ZDHHC14: variants seen among roughly 807,000 people sequenced by gnomAD.
ZDHHC14 encodes zDHHC palmitoyltransferase 14, also known as palmitoyltransferase ZDHHC14.
A neutral mutation model predicts 47.7 loss-of-function variants in ZDHHC14; 16 were observed. The observed-to-expected ratio is 0.34, with a 90% CI of 0.23 to 0.51. The LOEUF (loss-of-function observed/expected upper bound fraction) is 0.51, where lower values mean the gene tolerates loss of function less well. Among genes scored for constraint, ZDHHC14 ranks in the 20% least tolerant of loss-of-function variants. The pLI, the probability that ZDHHC14 is intolerant of heterozygous loss-of-function variation, is 0.97. For missense variants in ZDHHC14, 515 were observed against 662.5 expected (o/e 0.78, Z 2.44); for synonymous variants, 293 against 278.9 (o/e 1.05, Z -0.50).
At chr6:157,533,267 T>C (rs551991673) in intron 1 of ZDHHC14, among the ~76,000 whole-genome samples, 1 of 152,280 alleles carries the variant, frequency 6.6e-6, no homozygotes, top group South Asian at 2.1e-4. Flanking sequence ...TGAGCTTTTT[T>C]CTAGTGGGGT....
At chr6:157,562,847 T>C (rs9457805) in intron 2 of ZDHHC14, among the ~76,000 whole-genome samples, 10,076 of 152,182 alleles carry the variant, frequency 0.066, 424 homozygotes, top group African/African-American at 0.11. Flanking sequence ...GCTAGGAAGC[T>C]GCTCAGGACA....
rs575647738 is a variant in ZDHHC14, at chr6:157,424,957, C to T, written c.245+42691C>T. ...CTCTCACTCTTCAGTCCATAGCCAG[C>T]CACACTGCAGCCAGAGGGAGCTTTT... On this transcript the variant is annotated intron_variant, in intron 1 of 8. Transcript: ENST00000359775. Among the ~76,000 whole-genome samples, 4 of 152,246 alleles carry T rather than the reference C, an allele frequency of 2.6e-5. No homozygotes were observed. In the East Asian group the frequency reaches 5.8e-4, roughly 22 times the overall value.
intron 1 of ZDHHC14, among the ~76,000 whole-genome samples, chr6:157,523,001 C>CT (rs1781013728): frequency 1.0e-5 from 1 of 99,118 alleles, no homozygotes; most frequent in South Asian, 3.4e-4. Context: ...CTTTTCTTTT[C>CT]TTTTCTTTTT....
intron 1 of ZDHHC14, among the ~76,000 whole-genome samples, chr6:157,530,583 C>T (rs1011401302): frequency 2.6e-5 from 4 of 152,162 alleles, no homozygotes; most frequent in South Asian, 2.1e-4. Context: ...TCACAGGGCT[C>T]GTGGGCTTTA....
At chr6:157,590,726 G>A (rs928050935) in intron 2 of ZDHHC14, among the ~76,000 whole-genome samples, 5 of 152,216 alleles carry the variant, frequency 3.3e-5, no homozygotes, top group Non-Finnish European at 4.4e-5. Context: ...GCACTGCCTA[G>A]TGGAGCTGTG....
chr6:157,443,369 A>C (rs1778597438), intron 1 of ZDHHC14, among the ~76,000 whole-genome samples: 1 of 152,204 alleles, frequency 6.6e-6, no homozygotes, highest in Non-Finnish European at 1.5e-5. Context: ...GGACTAATAC[A>C]GGGTCCCACT....
rs534099026 is a variant in ZDHHC14 at position 157,620,511 on chromosome 6, A to C, written c.566-7838A>C. Among the ~76,000 whole-genome samples the C allele has an allele frequency of 3.3e-5, 5 of 152,376 alleles. No individual in the cohort carries two copies. In the South Asian group the frequency reaches 1.0e-3, roughly 32 times the overall value. ...TAATGTTTGCCAAGCAGCTTTATCAAATCCATGTCTCTGTAAGAAGTTTCT... is the reference window on the plus strand; with the variant it reads ...TAATGTTTGCCAAGCAGCTTTATCACATCCATGTCTCTGTAAGAAGTTTCT... On this transcript the variant is annotated intron_variant, in intron 3 of 8. Transcript: ENST00000359775.
rs1273691639 is a variant in ZDHHC14, at chr6:157,381,230, C to T, written c.-792C>T. 5 of 151,326 alleles carry T rather than the reference C, an allele frequency of 3.3e-5. No individual in the cohort carries two copies. The highest frequency in any genetic ancestry group is 1.2e-4 in the African/African-American group (5 of 41,186). 9.4% of individuals were successfully genotyped at this position (151,326 alleles called of 1,614,324 possible). A position where few individuals can be genotyped will look rare whatever the true frequency, so the allele number is the denominator to read the frequency against. On this transcript the variant is annotated 5_prime_UTR_variant, in exon 1 of 9. Transcript: ENST00000359775. ...GTGTCTGTGCTGTGTCCCCGCGGCC[C>T]TCCTCGCGCCGGGGCCGCTTCCTCC...
intron 1 of ZDHHC14, among the ~76,000 whole-genome samples, chr6:157,510,045 G>T (rs1215008463): frequency 6.6e-6 from 1 of 152,208 alleles, no homozygotes; most frequent in Non-Finnish European, 1.5e-5. Flanking sequence ...AGGAGTTTGA[G>T]ACCAGCCTGG....
intron 1 of ZDHHC14, among the ~76,000 whole-genome samples, chr6:157,447,508 AT>A (rs1778704996): frequency 6.6e-6 from 1 of 152,102 alleles, no homozygotes; most frequent in Non-Finnish European, 1.5e-5. Context: ...CGGGGACTGT[AT>A]GGAAGGAGGA....
At chr6:157,519,227 C>A (rs879927263) in intron 1 of ZDHHC14, among the ~76,000 whole-genome samples, 8 of 152,198 alleles carry the variant, frequency 5.3e-5, no homozygotes, top group Non-Finnish European at 8.8e-5. Context: ...GGTATGAAAA[C>A]TATGATAGTG....
At chr6:157,625,130 T>C (rs1381186737) in intron 3 of ZDHHC14, among the ~76,000 whole-genome samples, 1 of 152,160 alleles carries the variant, frequency 6.6e-6, no homozygotes, top group African/African-American at 2.4e-5. Flanking sequence ...CTCTCAACAC[T>C]GTTGCACTGG....
chr6:157,652,624 A>G (rs1359667863), intron 7 of ZDHHC14, among the ~76,000 whole-genome samples: 1 of 152,240 alleles, frequency 6.6e-6, no homozygotes, highest in African/African-American at 2.4e-5. Flanking sequence ...CTTTGGAAGC[A>G]CTACTCAGAA....
At chr6:157,508,080 A>C (rs1780374356) in intron 1 of ZDHHC14, among the ~76,000 whole-genome samples, 2 of 152,222 alleles carry the variant, frequency 1.3e-5, no homozygotes, top group South Asian at 2.1e-4. Context: ...CCATATACTA[A>C]ATATTTGAAC....
intron 2 of ZDHHC14, among the ~76,000 whole-genome samples, chr6:157,573,665 C>T (rs748761449): frequency 2.6e-5 from 4 of 152,206 alleles, no homozygotes; most frequent in African/African-American, 4.8e-5. Flanking sequence ...TAACCCCATG[C>T]CCTTCCCATC....
chr6:157,412,393 A>G (rs1441056011), intron 1 of ZDHHC14, among the ~76,000 whole-genome samples: 1 of 151,936 alleles, frequency 6.6e-6, no homozygotes, highest in Non-Finnish European at 1.5e-5. Flanking sequence ...CCTAGGTTCA[A>G]GTGGTTCTCC....
intron 1 of ZDHHC14, among the ~76,000 whole-genome samples, chr6:157,404,570 G>C (rs1777706340): frequency 6.6e-6 from 1 of 152,142 alleles, no homozygotes; most frequent in African/African-American, 2.4e-5. Flanking sequence ...AGTTGCTTTA[G>C]GGAGAGGGTC....
chr6:157,639,829 G>T lies in ZDHHC14; in HGVS notation c.753-5908G>T, dbSNP rs534383560. Among the ~76,000 whole-genome samples the T allele has an allele frequency of 3.9e-5, 6 of 152,248 alleles. No individual in the cohort carries two copies. In the South Asian group the frequency reaches 1.2e-3, roughly 32 times the overall value. The stretch of plus-strand genomic sequence containing the variant: ...GGGGATACAGCTAGTGCCAATTTGG[G>T]GAGCCGTGGTGAGTTCTGTCTAAGA... On this transcript the variant is annotated intron_variant, in intron 5 of 8. Transcript: ENST00000359775.
intron 1 of ZDHHC14, among the ~76,000 whole-genome samples, chr6:157,418,046 A>G (rs1333759624): frequency 1.3e-5 from 2 of 151,792 alleles, no homozygotes; most frequent in African/African-American, 2.4e-5. Context: ...GGGCCCAGGC[A>G]CTTTCCTCCT....
Sources: allele counts gnomAD v4.1 joint callset (sites outside exome capture counted in the v4.1 genomes callset), GRCh38; gene constraint gnomAD v4.1.1; transcripts MANE v1.5; gene names NCBI Gene and HGNC (gene_info 2026-07-23, HGNC 2026-07-21).